The following PDE1C variants were observed in gnomAD, a reference collection of about 807,000 sequenced individuals.
PDE1C encodes phosphodiesterase 1C.
In PDE1C, 62 loss-of-function variants were observed where a neutral mutation model predicts 93.1. The ratio of observed to expected loss-of-function variants is 0.67; its 90% CI spans 0.54 to 0.82. The LOEUF is 0.82. Ranked by LOEUF, PDE1C falls within the 40% of genes least tolerant of loss-of-function variation. PDE1C has a pLI of 0.00. For synonymous variants in PDE1C, 325 were observed against 310.1 expected, an observed-to-expected ratio of 1.05 and a Z score of -0.50; for missense variants, 742 against 884.6, an observed-to-expected ratio of 0.84 and a Z score of 2.04.
intron 12 of PDE1C, among the ~76,000 whole-genome samples, chr7:31,827,027 A>G (rs1789770881): frequency 3.3e-5 from 5 of 152,314 alleles, no homozygotes; most frequent in Admixed American, 2.6e-4. Context: ...GCTAAAACAT[A>G]AATTTATATA....
At chr7:31,860,777 CT>C (rs940602135) in intron 7 of PDE1C, among the ~76,000 whole-genome samples, 3 of 151,928 alleles carry the variant, frequency 2.0e-5, no homozygotes, top group African/African-American at 7.3e-5. Context: ...AAAAGAATGT[CT>C]TTTTTCAAGG....
At chr7:32,369,715 A>G (rs1264042108) in intron 1 of PDE1C, among the ~76,000 whole-genome samples, 1 of 152,228 alleles carries the variant, frequency 6.6e-6, no homozygotes, top group Non-Finnish European at 1.5e-5. Context: ...TATTCACAAT[A>G]GCCAAGATAC....
the PDE1C span, among the ~76,000 whole-genome samples, chr7:31,691,754 G>A: frequency 2.9e-5 from 4 of 137,630 alleles, no homozygotes; most frequent in Non-Finnish European, 6.2e-5. Flanking sequence ...TGGATGGGGA[G>A]GTAGTCTCTT....
chr7:31,961,777 C>A (rs554334015), intron 2 of PDE1C, among the ~76,000 whole-genome samples: 1 of 152,258 alleles, frequency 6.6e-6, no homozygotes, highest in African/African-American at 2.4e-5. Context: ...TATATAAACA[C>A]ATATCATTTC....
chr7:31,804,254 T>C (rs149421447), intron 16 of PDE1C, among the ~76,000 whole-genome samples: 5 of 151,996 alleles, frequency 3.3e-5, no homozygotes, highest in African/African-American at 1.2e-4. Context: ...TACAGCTTAT[T>C]ATTCCCCATG....
intron 8 of PDE1C, among the ~76,000 whole-genome samples, chr7:31,850,252 T>C (rs1325420666): frequency 6.6e-6 from 1 of 152,146 alleles, no homozygotes; most frequent in Non-Finnish European, 1.5e-5. Flanking sequence ...TCAATGTTGT[T>C]AATGTCAACA....
chr7:32,406,186 T>C (rs1785048560), intron 1 of PDE1C, among the ~76,000 whole-genome samples: 1 of 152,316 alleles, frequency 6.6e-6, no homozygotes, highest in East Asian at 1.9e-4. Flanking sequence ...TCTACCTCTT[T>C]CCCCTGCACC....
chr7:31,920,402 T>TG (rs1802455689), intron 2 of PDE1C, among the ~76,000 whole-genome samples: 1 of 152,146 alleles, frequency 6.6e-6, no homozygotes, highest in South Asian at 2.1e-4. Context: ...CAGAACCAGC[T>TG]GCTCCCTGCA....
At chr7:32,026,632 T>C (rs1272833335) in intron 2 of PDE1C, among the ~76,000 whole-genome samples, 1 of 152,100 alleles carries the variant, frequency 6.6e-6, no homozygotes, top group Non-Finnish European at 1.5e-5. Context: ...CCTTCAAAAC[T>C]AAACACACTC....
the PDE1C span, among the ~76,000 whole-genome samples, chr7:31,645,546 CTT>C: frequency 0.032 from 4,920 of 152,160 alleles, 294 homozygotes; most frequent in African/African-American, 0.11. Context: ...TATCAAAAGA[CTT>C]TGGTTCAAAT....
intron 1 of PDE1C, among the ~76,000 whole-genome samples, chr7:32,314,355 T>G (rs1308782130): frequency 1.3e-5 from 2 of 152,026 alleles, no homozygotes; most frequent in East Asian, 3.9e-4. Flanking sequence ...AGAGAAAAAT[T>G]TGGTCACTAA....
chr7:31,712,926 G>T, the PDE1C span, among the ~76,000 whole-genome samples: 45 of 152,184 alleles, frequency 3.0e-4, no homozygotes, highest in African/African-American at 1.0e-3. Context: ...CTCCCACCAG[G>T]TCCCTCCCAC....
the PDE1C span, among the ~76,000 whole-genome samples, chr7:31,719,992 C>T: frequency 7.7e-4 from 117 of 151,608 alleles, no homozygotes; most frequent in African/African-American, 2.8e-3. Flanking sequence ...GAAACCCCGT[C>T]TCTACTAAAA....
At chr7:31,823,407 C>T (rs1006635315) in intron 13 of PDE1C, among the ~76,000 whole-genome samples, 159 bp from the exon 14 acceptor site, 6 of 152,062 alleles carry the variant, frequency 3.9e-5, no homozygotes, top group Non-Finnish European at 5.9e-5. Context: ...CACATATGAC[C>T]GGTGGGAAAT....
intron 16 of PDE1C, among the ~76,000 whole-genome samples, chr7:31,790,467 T>A (rs1406401275): frequency 1.3e-5 from 2 of 152,074 alleles, no homozygotes; most frequent in Non-Finnish European, 2.9e-5. Context: ...AACTGTAATA[T>A]CAGTACATTT....
chr7:31,724,878 A>G, the PDE1C span, among the ~76,000 whole-genome samples: 1 of 152,160 alleles, frequency 6.6e-6, no homozygotes, highest in Non-Finnish European at 1.5e-5. Flanking sequence ...AAAGTCTTAT[A>G]TCGGTGAATT....
intron 2 of PDE1C, among the ~76,000 whole-genome samples, chr7:31,978,213 G>C (rs532851631): frequency 1.8e-4 from 27 of 152,148 alleles, no homozygotes; most frequent in Admixed American, 7.9e-4. Context: ...TGGTGAGGAA[G>C]TAGTCTCTCC....
At chr7:31,969,786 T>C (rs1810632207) in intron 2 of PDE1C, among the ~76,000 whole-genome samples, 1 of 152,150 alleles carries the variant, frequency 6.6e-6, no homozygotes, top group Non-Finnish European at 1.5e-5. Context: ...ATGTGGCACA[T>C]ATACACCATG....
At chr7:32,271,920 C>G (rs940783849) in intron 1 of PDE1C, among the ~76,000 whole-genome samples, 2 of 152,276 alleles carry the variant, frequency 1.3e-5, no homozygotes, top group East Asian at 3.9e-4. Context: ...GGCTGTCTTG[C>G]TTAGGAACTC....
Sources: allele counts gnomAD v4.1 joint callset (sites outside exome capture counted in the v4.1 genomes callset), GRCh38; gene constraint gnomAD v4.1.1; transcripts MANE v1.5; gene names NCBI Gene and HGNC (gene_info 2026-07-23, HGNC 2026-07-21).